KATNA1: variants seen among roughly 807,000 people sequenced by gnomAD.
KATNA1 encodes katanin catalytic subunit A1.
KATNA1 carries 42 observed loss-of-function variants against 62.6 expected under a neutral mutation model. That is an observed-to-expected ratio of 0.67 (90% CI 0.52 to 0.87). The LOEUF (loss-of-function observed/expected upper bound fraction) is 0.87. Ranked by LOEUF, KATNA1 falls within the 40% of genes least tolerant of loss-of-function variation. The probability of loss-of-function intolerance (pLI) is 0.00; values close to 1 mark genes in which losing one functional copy is unlikely to be tolerated. For missense variants in KATNA1, 498 were observed against 612.5 expected, an observed-to-expected ratio of 0.81 and a Z score of 1.97; for synonymous variants, 186 against 201.9, an observed-to-expected ratio of 0.92 and a Z score of 0.67.
chr6:149,597,285 T>G (rs1582747444), intron 9 of KATNA1, 96 bp from the exon 10 acceptor site: 1 of 1,364,438 alleles, frequency 7.3e-7, no homozygotes, highest in East Asian at 2.3e-5. Context: ...TGTCTTCCAG[T>G]AAGAATTGGA....
intron 4 of KATNA1, among the ~76,000 whole-genome samples, chr6:149,608,731 A>G (rs1386276430): frequency 6.6e-6 from 1 of 152,022 alleles, no homozygotes; most frequent in Non-Finnish European, 1.5e-5. Context: ...ACTGGACATC[A>G]TAGAGGGAAC....
chr6:149,599,863 G>A (rs995138317), intron 7 of KATNA1, among the ~76,000 whole-genome samples: 2 of 151,956 alleles, frequency 1.3e-5, no homozygotes, highest in Admixed American at 6.6e-5. Flanking sequence ...AACTTTACTT[G>A]GAACTCCAGG....
At chr6:149,618,294 A>G (rs1057031008) in intron 4 of KATNA1, among the ~76,000 whole-genome samples, 2 of 151,950 alleles carry the variant, frequency 1.3e-5, no homozygotes, top group African/African-American at 4.8e-5. Context: ...CCTGGCCAAC[A>G]TGGTGAAACC....
chr6:149,604,593 C>T (rs1401801521), intron 5 of KATNA1, 68 bp downstream of exon 5: 4 of 1,540,146 alleles, frequency 2.6e-6, no homozygotes, highest in Admixed American at 1.7e-5. Context: ...TACATGCTCA[C>T]ATTTGCTCCA....
chr6:149,600,315 G>A (rs1020375702), intron 7 of KATNA1, among the ~76,000 whole-genome samples: 16 of 150,230 alleles, frequency 1.1e-4, no homozygotes, highest in East Asian at 6.0e-4. Context: ...CCTGGGCAAC[G>A]TAGTGAGACT....
chr6:149,628,125 G>A (rs1582793986), intron 3 of KATNA1, among the ~76,000 whole-genome samples: 2 of 149,986 alleles, frequency 1.3e-5, no homozygotes, highest in Non-Finnish European at 3.0e-5. Flanking sequence ...TTTTTGAAAC[G>A]GAGTGTCTGT....
At chr6:149,636,380 T>C (rs749881968) in intron 2 of KATNA1, among the ~76,000 whole-genome samples, 1 of 151,886 alleles carries the variant, frequency 6.6e-6, no homozygotes, top group South Asian at 2.1e-4. Flanking sequence ...AAGACCAGCC[T>C]GAACAACATA....
intron 1 of KATNA1, among the ~76,000 whole-genome samples, chr6:149,647,719 T>C (rs1471912882): frequency 2.6e-5 from 4 of 152,128 alleles, no homozygotes; most frequent in Non-Finnish European, 4.4e-5. Flanking sequence ...TTTTCAGCAA[T>C]AACTAGAGGT....
chr6:149,597,544 T>G lies in KATNA1; in HGVS notation c.1113A>C (p.Arg371=), dbSNP rs1160847759. The G allele has an allele frequency of 2.5e-6, 4 of 1,613,968 alleles. No homozygotes were observed. Among genetic ancestry groups the G allele is most frequent in the Admixed American group, 3.3e-5 (2 of 59,998 alleles). ...GAATATAGATTCGTTTCTCAAGGCG[T>G]CGTCTTAAAGCCTCATCTATATCCC... ...FPWDIDEALR[R]RLEKRIYIPL... Residue 371 remains arginine, a synonymous_variant, in exon 9 of 11, where the codon CGA becomes CGC. Coordinates refer to ENST00000367411, the MANE Select transcript of KATNA1 (RefSeq NM_007044.4).
chr6:149,618,420 G>A (rs2115113636), intron 4 of KATNA1, among the ~76,000 whole-genome samples: 1 of 152,136 alleles, frequency 6.6e-6, no homozygotes, highest in East Asian at 1.9e-4. Context: ...GGAGGTTGCA[G>A]TGAGCCGAGA....
chr6:149,632,708 A>G (rs377538900), intron 3 of KATNA1, 51 bp downstream of exon 3: 4 of 1,505,714 alleles, frequency 2.7e-6, no homozygotes, highest in Non-Finnish European at 3.6e-6. Flanking sequence ...AAATATAATC[A>G]ATGCTATAAG....
chr6:149,611,933 G>C (rs1168575979), intron 4 of KATNA1, among the ~76,000 whole-genome samples: 1 of 152,054 alleles, frequency 6.6e-6, no homozygotes, highest in Non-Finnish European at 1.5e-5. Context: ...CCAGGAGGCG[G>C]AGCTTGCAGT....
At chr6:149,615,773 G>C (rs927735420) in intron 4 of KATNA1, among the ~76,000 whole-genome samples, 3 of 151,900 alleles carry the variant, frequency 2.0e-5, no homozygotes, top group African/African-American at 2.4e-5. Context: ...ACTCCAGCCT[G>C]GGCAACACAG....
intron 4 of KATNA1, among the ~76,000 whole-genome samples, chr6:149,616,097 A>G (rs1035062721): frequency 6.6e-6 from 1 of 152,194 alleles, no homozygotes; most frequent in African/African-American, 2.4e-5. Flanking sequence ...TTTAATGAGT[A>G]CAGAGTTTCA....
At chr6:149,613,848 G>T (rs1779061900) in intron 4 of KATNA1, among the ~76,000 whole-genome samples, 1 of 152,190 alleles carries the variant, frequency 6.6e-6, no homozygotes, top group Non-Finnish European at 1.5e-5. Flanking sequence ...TTTGAGAGGG[G>T]ATTATGCCAC....
At chr6:149,619,751 T>C (rs905508784) in intron 4 of KATNA1, among the ~76,000 whole-genome samples, 1 of 152,192 alleles carries the variant, frequency 6.6e-6, no homozygotes, top group Non-Finnish European at 1.5e-5. Flanking sequence ...ATAGGATTAA[T>C]GAACATAGGA....
At chr6:149,624,659 C>G (rs1582788747) in intron 3 of KATNA1, among the ~76,000 whole-genome samples, 1 of 151,998 alleles carries the variant, frequency 6.6e-6, no homozygotes, top group Non-Finnish European at 1.5e-5. Context: ...GGACTACAGG[C>G]GTGAGCCCCT....
Position 149,623,301 on chromosome 6 carries a change from CATT to C in KATNA1, c.321-21_321-19del, listed in dbSNP as rs1442623484. 6.4e-7 allele frequency: 1 copy of C among 1,554,674 alleles called. No individual in the cohort carries two copies. On this transcript the variant is annotated intron_variant, in intron 3 of 10. Transcript: ENST00000367411. ...GTGAGGGTCTAATCAAACAAAAACT[CATT>C]AATATCATAATCAACTCCACATATG... is the stretch of plus-strand genomic sequence containing the variant.
At chr6:149,634,664 C>A (rs916310593) in intron 2 of KATNA1, among the ~76,000 whole-genome samples, 31 of 152,144 alleles carry the variant, frequency 2.0e-4, no homozygotes, top group Non-Finnish European at 4.0e-4. Context: ...AGCCACCATG[C>A]CCAGCCCTAC....
Sources: gnomAD v4.1 joint callset for allele counts (sites outside exome capture counted in the v4.1 genomes callset) on GRCh38, gnomAD v4.1.1 for gene constraint, MANE v1.5 for transcripts, NCBI Gene and HGNC (gene_info 2026-07-23, HGNC 2026-07-21) for gene names.